The following EPHA5 variants were observed in gnomAD, a reference collection of about 807,000 sequenced individuals.
The protein encoded by EPHA5 is EPH receptor A5, also known as ephrin type-A receptor 5.
In EPHA5, 60 loss-of-function variants were observed where a neutral mutation model predicts 105.0. The observed-to-expected ratio is 0.57, with a 90% CI of 0.46 to 0.71. The LOEUF (loss-of-function observed/expected upper bound fraction) is 0.71. Among genes scored for constraint, EPHA5 ranks in the 30% least tolerant of loss-of-function variants. EPHA5 has a pLI of 0.00. For synonymous variants in EPHA5, 513 were observed against 449.1 expected (o/e 1.14, Z -1.80); for missense variants, 1,218 against 1,274.7 (o/e 0.96, Z 0.68).
chr4:65,650,489 G>A (rs1291672165), intron 1 of EPHA5, among the ~76,000 whole-genome samples: 1 of 150,060 alleles, frequency 6.7e-6, no homozygotes, highest in Non-Finnish European at 1.5e-5. Flanking sequence ...GAACTTAGGA[G>A]GCGGAGCTTG....
chr4:65,594,592 G>A (rs1374106431), intron 3 of EPHA5, among the ~76,000 whole-genome samples: 1 of 152,252 alleles, frequency 6.6e-6, no homozygotes, highest in Admixed American at 6.5e-5. Flanking sequence ...GAGAAAGTAG[G>A]AGTGCAGACC....
At chr4:65,404,272 C>T in intron 8 of EPHA5, 102 bp downstream of exon 8, 2 of 810,244 alleles carry the variant, frequency 2.5e-6, no homozygotes, top group South Asian at 1.5e-5. Flanking sequence ...TGATATATTG[C>T]TTGCCTGATT....
chr4:65,550,861 A>C (rs1189952181), intron 3 of EPHA5, among the ~76,000 whole-genome samples: 1 of 151,972 alleles, frequency 6.6e-6, no homozygotes, highest in Non-Finnish European at 1.5e-5. Flanking sequence ...ACAAAAACAA[A>C]AAACAACTAC....
chr4:65,608,873 T>C (rs1383148100), intron 2 of EPHA5, among the ~76,000 whole-genome samples: 1 of 152,210 alleles, frequency 6.6e-6, no homozygotes, highest in Non-Finnish European at 1.5e-5. Context: ...TGCTTATAAA[T>C]TATTTTTTCT....
Position 65,427,918 on chromosome 4 carries a change from T to A in EPHA5, c.1403-7353A>T, listed in dbSNP as rs565804290. Among the ~76,000 whole-genome samples the A allele has an allele frequency of 2.0e-4, 31 of 152,288 alleles. No individual in the cohort carries two copies. The South Asian group carries it at 5.4e-3, about 26-fold the overall frequency. ...TTATCTTTACTATCTATGTGTATGA[T>A]CATGTAACAATTTAACTGCCTCCCA... On this transcript the variant is annotated intron_variant, in intron 5 of 16. Coordinates refer to ENST00000613740, the MANE Select transcript of EPHA5 (RefSeq NM_001281766.3).
At chr4:65,599,131 TAGA>T (rs1162408216) in intron 3 of EPHA5, among the ~76,000 whole-genome samples, 1 of 151,744 alleles carries the variant, frequency 6.6e-6, no homozygotes, top group Non-Finnish European at 1.5e-5. Context: ...AAGAAGGAAA[TAGA>T]AGTAGATGAT....
intron 3 of EPHA5, among the ~76,000 whole-genome samples, chr4:65,530,458 G>A (rs147205830): frequency 0.015 from 2,300 of 152,202 alleles, 27 homozygotes; most frequent in Non-Finnish European, 0.024. Context: ...TGTTTGTTGT[G>A]TGTGTTTGTA....
At chr4:65,383,809 G>A (rs969868370) in intron 8 of EPHA5, among the ~76,000 whole-genome samples, 6 of 150,790 alleles carry the variant, frequency 4.0e-5, no homozygotes, top group African/African-American at 1.5e-4. Flanking sequence ...TAGGAAGGAA[G>A]GTGTGGTTTT....
chr4:65,444,640 T>C lies in EPHA5; in HGVS notation c.1403-24075A>G, dbSNP rs1368920721. Among the ~76,000 whole-genome samples, 3 of 152,276 alleles carry C rather than the reference T, an allele frequency of 2.0e-5. No homozygotes were observed. In the East Asian group the frequency reaches 5.8e-4, roughly 29 times the overall value. On this transcript the variant is annotated intron_variant, in intron 5 of 16. Coordinates refer to ENST00000613740, the MANE Select transcript of EPHA5 (RefSeq NM_001281766.3). ...CCCTGAGTTTAGCTAAAATACTTAG[T>C]GTATAAATTGTGGATTTACTTCAGA...
At chr4:65,584,805 C>G (rs1271318272) in intron 3 of EPHA5, among the ~76,000 whole-genome samples, 1 of 151,870 alleles carries the variant, frequency 6.6e-6, no homozygotes, top group African/African-American at 2.4e-5. Flanking sequence ...ATCAAAATAA[C>G]TTATGAAAGT....
intron 7 of EPHA5, among the ~76,000 whole-genome samples, chr4:65,413,928 A>T (rs1723144939): frequency 6.6e-6 from 1 of 152,200 alleles, no homozygotes; most frequent in Admixed American, 6.6e-5. Context: ...TTTCAAAGAA[A>T]GACTAAACCT....
intron 3 of EPHA5, among the ~76,000 whole-genome samples, chr4:65,521,072 A>G (rs1198824005): frequency 6.6e-6 from 1 of 152,176 alleles, no homozygotes; most frequent in African/African-American, 2.4e-5. Flanking sequence ...AGACACATGC[A>G]CATGTATGTT....
intron 3 of EPHA5, among the ~76,000 whole-genome samples, chr4:65,560,381 C>T (rs1249703114): frequency 2.0e-5 from 3 of 151,918 alleles, no homozygotes; most frequent in Non-Finnish European, 2.9e-5. Flanking sequence ...GCCATTGTCC[C>T]GTATCACAAC....
At chr4:65,640,260 T>C (rs1193334246) in intron 2 of EPHA5, among the ~76,000 whole-genome samples, 2 of 151,078 alleles carry the variant, frequency 1.3e-5, no homozygotes, top group Non-Finnish European at 2.9e-5. Flanking sequence ...GTGTAGACAT[T>C]GAAGTCATTG....
intron 3 of EPHA5, among the ~76,000 whole-genome samples, chr4:65,533,543 C>A: frequency 6.6e-6 from 1 of 152,028 alleles, no homozygotes; most frequent in East Asian, 1.9e-4. Flanking sequence ...CTTTTATTAT[C>A]TCATGAGGTC....
intron 3 of EPHA5, among the ~76,000 whole-genome samples, chr4:65,508,765 G>A (rs987246632): frequency 6.6e-6 from 1 of 151,820 alleles, no homozygotes; most frequent in Non-Finnish European, 1.5e-5. Context: ...AGCATAGATA[G>A]CTAGATATAG....
chr4:65,338,966 G>T (rs188836551), intron 14 of EPHA5, among the ~76,000 whole-genome samples: 1 of 152,180 alleles, frequency 6.6e-6, no homozygotes, highest in Non-Finnish European at 1.5e-5. Context: ...GTTGATACAG[G>T]TGGCTGAGAT....
intron 2 of EPHA5, among the ~76,000 whole-genome samples, chr4:65,630,013 G>A (rs1193257655): frequency 1.3e-5 from 2 of 151,790 alleles, no homozygotes; most frequent in Non-Finnish European, 2.9e-5. Context: ...GTTACTGTAG[G>A]TAGCTTGTCA....
In EPHA5 at chr4:65,321,359, C is replaced by T. The variant is rs1237573931; in HGVS notation, c.*2755G>A. On this transcript the variant is annotated 3_prime_UTR_variant, in exon 17 of 17. Coordinates refer to ENST00000613740, the MANE Select transcript of EPHA5 (RefSeq NM_001281766.3). ...GTTAAACTTTGCCTTGGATTATGGCCTCACTACATTTTACTAGAGTTGGCT... is the reference window on the plus strand; with the variant it reads ...GTTAAACTTTGCCTTGGATTATGGCTTCACTACATTTTACTAGAGTTGGCT... 1 of 230,270 alleles carries T rather than the reference C, an allele frequency of 4.3e-6. No homozygotes were observed. Among genetic ancestry groups the T allele is most frequent in the African/African-American group, 2.2e-5 (1 of 45,108 alleles). 14.3% of individuals were successfully genotyped at this position (230,270 alleles called of 1,614,324 possible).
Sources: gnomAD v4.1 joint callset for allele counts (sites outside exome capture counted in the v4.1 genomes callset) on GRCh38, gnomAD v4.1.1 for gene constraint, MANE v1.5 for transcripts, NCBI Gene and HGNC (gene_info 2026-07-23, HGNC 2026-07-21) for gene names.